ADGRB3: variants seen among roughly 807,000 people sequenced by gnomAD.
ADGRB3 encodes the protein adhesion G protein-coupled receptor B3, also known as brain-specific angiogenesis inhibitor 3.
ADGRB3 carries 37 observed loss-of-function variants against 193.4 expected under a neutral mutation model. The observed-to-expected ratio is 0.19, with a 90% CI of 0.15 to 0.25. The LOEUF (loss-of-function observed/expected upper bound fraction) is 0.25, where lower values mean the gene tolerates loss of function less well. Ranked by LOEUF, ADGRB3 falls within the 10% of genes least tolerant of loss-of-function variation. ADGRB3 has a pLI of 1.00. For synonymous variants in ADGRB3, 690 were observed against 644.2 expected (o/e 1.07, Z -1.08); for missense variants, 1,637 against 1,852.9 (o/e 0.88, Z 2.14).
intron 17 of ADGRB3, among the ~76,000 whole-genome samples, chr6:69,103,409 T>G (rs1487963668): frequency 1.3e-5 from 2 of 152,196 alleles, no homozygotes; most frequent in Admixed American, 1.3e-4. Flanking sequence ...ATTAAACAAG[T>G]AATTTTTGTA....
chr6:69,242,626 T>C (rs369120080), intron 20 of ADGRB3, among the ~76,000 whole-genome samples: 168 of 152,096 alleles, frequency 1.1e-3, no homozygotes, highest in Admixed American at 1.8e-3. Context: ...GCTGAAATAA[T>C]CCATTGCATA....
intron 8 of ADGRB3, among the ~76,000 whole-genome samples, chr6:68,966,167 A>G (rs1768376001): frequency 6.6e-6 from 1 of 152,050 alleles, no homozygotes; most frequent in Non-Finnish European, 1.5e-5. Context: ...CACCTCTTAC[A>G]TACAATCAGC....
At chr6:69,175,418 T>A (rs1291714488) in intron 17 of ADGRB3, among the ~76,000 whole-genome samples, 1 of 152,220 alleles carries the variant, frequency 6.6e-6, no homozygotes, top group East Asian at 1.9e-4. Flanking sequence ...TTGCTTATTT[T>A]TGTCAACTTT....
intron 3 of ADGRB3, among the ~76,000 whole-genome samples, chr6:68,846,495 G>A (rs905535919): frequency 2.0e-5 from 3 of 152,196 alleles, no homozygotes; most frequent in Non-Finnish European, 2.9e-5. Context: ...AAGGCCCAGG[G>A]GCCCCATGCT....
At chr6:69,333,414 C>A (rs775254639) in intron 24 of ADGRB3, among the ~76,000 whole-genome samples, 1 of 151,886 alleles carries the variant, frequency 6.6e-6, no homozygotes, top group Admixed American at 6.6e-5. Context: ...CTAAACAGGG[C>A]AAAATACTAT....
intron 7 of ADGRB3, 84 bp from the exon 8 acceptor site, chr6:68,956,560 AG>A (rs1397427407): frequency 2.0e-6 from 3 of 1,496,782 alleles, no homozygotes; most frequent in Admixed American, 1.8e-5. Context: ...CAAAAATGGA[AG>A]GGGTAGTAAC....
intron 29 of ADGRB3, among the ~76,000 whole-genome samples, chr6:69,362,812 A>G (rs544893205): frequency 6.6e-6 from 1 of 152,132 alleles, no homozygotes; most frequent in South Asian, 2.1e-4. Context: ...TGTAACTTGC[A>G]TATCCCAGAG....
chr6:69,166,722 T>G (rs1775139732), intron 17 of ADGRB3, among the ~76,000 whole-genome samples: 1 of 152,122 alleles, frequency 6.6e-6, no homozygotes, highest in Non-Finnish European at 1.5e-5. Context: ...CAAGGTCCTA[T>G]TCTCACAAAT....
At chr6:68,684,134 A>T (rs897931950) in intron 3 of ADGRB3, among the ~76,000 whole-genome samples, 1 of 152,166 alleles carries the variant, frequency 6.6e-6, no homozygotes, top group Non-Finnish European at 1.5e-5. Flanking sequence ...GTTAGTTTTC[A>T]ATCTTTCTCT....
chr6:69,327,722 T>C (rs752866076), intron 21 of ADGRB3, 98 bp from the exon 22 acceptor site: 1 of 881,926 alleles, frequency 1.1e-6, no homozygotes, highest in Non-Finnish European at 1.7e-6. Context: ...AGATAGTTTA[T>C]CTAATTTGAG....
At chr6:69,364,654 C>T (rs1194898776) in intron 29 of ADGRB3, among the ~76,000 whole-genome samples, 1 of 151,976 alleles carries the variant, frequency 6.6e-6, no homozygotes, top group Non-Finnish European at 1.5e-5. Context: ...ACAGAGCTGC[C>T]ACTATTATGG....
intron 24 of ADGRB3, among the ~76,000 whole-genome samples, chr6:69,334,144 TG>T (rs1441164024): frequency 6.6e-6 from 1 of 152,060 alleles, no homozygotes; most frequent in African/African-American, 2.4e-5. Flanking sequence ...GTTTTTTCTT[TG>T]TGTCCTTCCC....
intron 17 of ADGRB3, among the ~76,000 whole-genome samples, chr6:69,152,006 T>A (rs1774694414): frequency 6.6e-6 from 1 of 152,192 alleles, no homozygotes; most frequent in African/African-American, 2.4e-5. Flanking sequence ...GAAGGCCATA[T>A]TTGCTTCCCC....
chr6:69,320,825 A>ATGTGTGTGTGTGTGTGTGTGTG (rs5877204), intron 20 of ADGRB3, among the ~76,000 whole-genome samples: 171 of 146,354 alleles, frequency 1.2e-3, no homozygotes, highest in Middle Eastern at 3.4e-3. Flanking sequence ...GCATGTGTGT[A>ATGTGTGTGTGTGTGTGTGTGTG]TGTGTGTGTG....
intron 6 of ADGRB3, among the ~76,000 whole-genome samples, chr6:68,950,727 T>C (rs1307549020): frequency 2.0e-5 from 3 of 152,074 alleles, no homozygotes; most frequent in Admixed American, 6.6e-5. Context: ...CAGAAAACAT[T>C]GTAAATTCAT....
intron 3 of ADGRB3, among the ~76,000 whole-genome samples, chr6:68,711,956 T>A (rs191300981): frequency 1.8e-3 from 281 of 152,158 alleles, no homozygotes; most frequent in African/African-American, 6.5e-3. Context: ...AGAATGTACT[T>A]CATTATGAAG....
chr6:69,074,230 G>A (rs1213488524), intron 16 of ADGRB3, among the ~76,000 whole-genome samples: 1 of 152,080 alleles, frequency 6.6e-6, no homozygotes, highest in Non-Finnish European at 1.5e-5. Context: ...TGCAATATTG[G>A]AGTTAGTCAT....
At chr6:68,786,318 A>C (rs1340629316) in intron 3 of ADGRB3, among the ~76,000 whole-genome samples, 1 of 152,036 alleles carries the variant, frequency 6.6e-6, no homozygotes, top group Admixed American at 6.6e-5. Context: ...TCCATCTTGA[A>C]TTAATTTTTG....
In ADGRB3 at chr6:68,638,693, C is replaced by A. The variant is rs771677052; in HGVS notation, c.18C>A (p.Asn6Lys). 3 of 1,613,396 alleles carry A rather than the reference C, an allele frequency of 1.9e-6. No homozygotes were observed. Among genetic ancestry groups the A allele is most frequent in the Non-Finnish European group, 2.5e-6 (3 of 1,179,656 alleles). ...GACATAGGATGAAGGCTGTTCGTAA[C>A]CTGCTGATTTATATATTTTCCACCT... MKAVR[N>K]LLIYIFSTYL... Residue 6 changes from asparagine (N) to lysine (K), a missense_variant, in exon 3 of 32, where the codon AAC (asparagine) becomes AAA (lysine). Around this residue, in one of 7 missense-constraint regions of ADGRB3, gnomAD observed 365 missense variants for 409.8 expected, o/e 0.89. Transcript: ENST00000370598.
Sources: allele counts gnomAD v4.1 joint callset (sites outside exome capture counted in the v4.1 genomes callset), GRCh38; gene constraint gnomAD v4.1.1; regional missense constraint gnomAD v4.1.1; transcripts MANE v1.5; gene names NCBI Gene and HGNC (gene_info 2026-07-23, HGNC 2026-07-21).